The following JADE3 variants were observed in gnomAD, a reference collection of about 807,000 sequenced individuals.
JADE3 encodes the protein jade family PHD finger 3.
Under a neutral mutation model 50.1 loss-of-function variants are expected in JADE3, and 2 were observed. The observed-to-expected ratio is 0.04, with a 90% CI of 0.02 to 0.13. JADE3 has a LOEUF of 0.13. Ranked by LOEUF, JADE3 falls within the 10% of genes least tolerant of loss-of-function variation. The pLI, the probability that JADE3 is intolerant of heterozygous loss-of-function variation, is 1.00. For missense variants in JADE3, 475 were observed against 634.4 expected, an observed-to-expected ratio of 0.75 and a Z score of 2.70; for synonymous variants, 218 against 232.9, an observed-to-expected ratio of 0.94 and a Z score of 0.58.
intron 3 of JADE3, among the ~76,000 whole-genome samples, chrX:46,997,273 C>T (rs782607783): frequency 4.5e-5 from 5 of 110,927 alleles, no homozygotes; most frequent in South Asian, 3.9e-4. Flanking sequence ...GAGGCCAAGG[C>T]GGGCAGATCA....
At chrX:46,957,253 A>ATAGATAGT (rs1927152716) in intron 1 of JADE3, among the ~76,000 whole-genome samples, 1 of 111,200 alleles carries the variant, frequency 9.0e-6, no homozygotes, top group African/African-American at 3.2e-5. Context: ...AGATAGATAG[A>ATAGATAGT]TAGATATAAA....
At chrX:46,976,024 A>C (rs1198328827) in intron 1 of JADE3, among the ~76,000 whole-genome samples, 1 of 110,707 alleles carries the variant, frequency 9.0e-6, no homozygotes, top group Middle Eastern at 4.2e-3. Context: ...CACCGTGCCC[A>C]GCCTGTATTA....
chrX:46,990,782 A>G (rs1927970905), intron 3 of JADE3, among the ~76,000 whole-genome samples: 1 of 110,709 alleles, frequency 9.0e-6, no homozygotes, highest in Admixed American at 9.6e-5. Context: ...TGTAACCATT[A>G]CAATCATAAT....
intron 1 of JADE3, among the ~76,000 whole-genome samples, chrX:46,978,680 A>C (rs997058523): frequency 9.0e-6 from 1 of 111,679 alleles, no homozygotes; most frequent in East Asian, 2.8e-4. Context: ...AGCCATGCTG[A>C]GGAGATTGGG....
At chrX:47,041,834 C>T (rs1302412114) in intron 8 of JADE3, among the ~76,000 whole-genome samples, 4 of 109,918 alleles carry the variant, frequency 3.6e-5, no homozygotes, top group Admixed American at 9.7e-5. Flanking sequence ...CACCACCACA[C>T]CCAGCTAATT....
chrX:47,037,839 A>G (rs782468143), intron 7 of JADE3, among the ~76,000 whole-genome samples: 1 of 111,587 alleles, frequency 9.0e-6, no homozygotes, highest in South Asian at 3.8e-4. Context: ...TATTTTGACT[A>G]TAGTCACCCT....
intron 1 of JADE3, among the ~76,000 whole-genome samples, chrX:46,941,664 G>A (rs868940889): frequency 1.8e-5 from 2 of 110,990 alleles, no homozygotes; most frequent in African/African-American, 3.3e-5. Context: ...GTTTTGTTGA[G>A]CATTTTTTTC....
chrX:47,003,070 TTTC>T (rs1392591615), intron 4 of JADE3, among the ~76,000 whole-genome samples: 1 of 112,065 alleles, frequency 8.9e-6, no homozygotes, highest in African/African-American at 3.2e-5. Context: ...GGTGATTTTT[TTTC>T]TTCTTCAGCC....
intron 1 of JADE3, among the ~76,000 whole-genome samples, chrX:46,925,473 G>T (rs183802279): frequency 8.9e-6 from 1 of 111,881 alleles, no homozygotes; most frequent in East Asian, 2.8e-4. Context: ...CTACGTTAGT[G>T]GTCAGTGGAA....
intron 1 of JADE3, among the ~76,000 whole-genome samples, chrX:46,925,821 CT>C (rs1401380990): frequency 1.4e-5 from 1 of 73,437 alleles, no homozygotes; most frequent in African/African-American, 6.7e-5. Flanking sequence ...AAGACTCCGT[CT>C]AAAAAAAAAA....
At chrX:46,987,746 G>C (rs1202161728) in intron 3 of JADE3, among the ~76,000 whole-genome samples, 2 of 112,238 alleles carry the variant, frequency 1.8e-5, no homozygotes, top group African/African-American at 6.5e-5. Context: ...TAGGACGACA[G>C]CTGGTTCTAG....
chrX:47,053,575 TA>T (rs1218299350), intron 8 of JADE3, among the ~76,000 whole-genome samples: 4 of 110,588 alleles, frequency 3.6e-5, no homozygotes, highest in East Asian at 5.6e-4. Context: ...TTTTTATGTT[TA>T]AAAAAAAAAT....
At chrX:46,950,335 C>A (rs1556344539) in intron 1 of JADE3, among the ~76,000 whole-genome samples, 1 of 112,353 alleles carries the variant, frequency 8.9e-6, no homozygotes, top group East Asian at 2.8e-4. Flanking sequence ...AACTACTAAT[C>A]TACTTTCTGC....
At chrX:47,040,301 C>T (rs1352444285) in intron 8 of JADE3, among the ~76,000 whole-genome samples, 4 of 111,998 alleles carry the variant, frequency 3.6e-5, no homozygotes, top group Non-Finnish European at 7.5e-5. Flanking sequence ...TGTTAGGAAC[C>T]GGGCCGCACA....
intron 1 of JADE3, among the ~76,000 whole-genome samples, chrX:46,945,084 A>G (rs782113835): frequency 9.3e-5 from 10 of 107,246 alleles, no homozygotes; most frequent in African/African-American, 3.4e-4. Flanking sequence ...TCAAACTCCT[A>G]GGCTCAAACA....
At chrX:46,922,673 G>A (rs1346193786) in intron 1 of JADE3, among the ~76,000 whole-genome samples, 1 of 108,767 alleles carries the variant, frequency 9.2e-6, no homozygotes, top group Non-Finnish European at 1.9e-5. Flanking sequence ...TTAATTTCTA[G>A]CATTTCCCTT....
chrX:46,935,044 G>A (rs782220997), intron 1 of JADE3, among the ~76,000 whole-genome samples: 14 of 110,561 alleles, frequency 1.3e-4, no homozygotes, highest in Non-Finnish European at 1.7e-4. Context: ...AGCCATTCTC[G>A]TGCCTCAGCC....
In JADE3 at chrX:47,059,326, T is replaced by G; in HGVS notation, c.*249T>G. The stretch of plus-strand genomic sequence containing the variant: ...ATTGGGAACAGCTGGGCCCAGGGTA[T>G]TTGCTCAGTAAATATTTTGGGGCAG... On this transcript the variant is annotated 3_prime_UTR_variant, in exon 11 of 11. Coordinates refer to ENST00000614628, the MANE Select transcript of JADE3 (RefSeq NM_014735.5). The G allele has an allele frequency of 3.1e-6, 1 of 324,914 alleles. No homozygotes were observed. Among genetic ancestry groups the G allele is most frequent in the Non-Finnish European group, 5.3e-6 (1 of 188,215 alleles). 26.8% of individuals were successfully genotyped at this position (324,914 alleles called of 1,213,427 possible). A position where few individuals can be genotyped will look rare whatever the true frequency, so the allele number is the denominator to read the frequency against.
intron 4 of JADE3, 27 bp downstream of exon 4, chrX:46,998,304 T>G: frequency 8.5e-7 from 1 of 1,178,404 alleles, no homozygotes; most frequent in African/African-American, 1.8e-5. Flanking sequence ...ACCTTTGACT[T>G]AGGGAATGAA....
Sources: gnomAD v4.1 joint callset for allele counts (sites outside exome capture counted in the v4.1 genomes callset) on GRCh38, gnomAD v4.1.1 for gene constraint, MANE v1.5 for transcripts, NCBI Gene and HGNC (gene_info 2026-07-23, HGNC 2026-07-21) for gene names.